Variants in LPP observed in about 807,000 individuals in gnomAD.
LPP encodes lipoma-preferred partner.
A neutral mutation model predicts 60.4 loss-of-function variants in LPP; 38 were observed. The observed-to-expected ratio is 0.63, with a 90% CI of 0.49 to 0.83. The LOEUF (loss-of-function observed/expected upper bound fraction) is 0.83. Ranked by LOEUF, LPP falls within the 40% of genes least tolerant of loss-of-function variation. LPP has a pLI of 0.00. For missense variants in LPP, 902 were observed against 783.6 expected, an observed-to-expected ratio of 1.15 and a Z score of -1.80; for synonymous variants, 328 against 290.8, an observed-to-expected ratio of 1.13 and a Z score of -1.30.
At chr3:188,428,088 T>TGGGAAAA (rs1789913169) in intron 4 of LPP, among the ~76,000 whole-genome samples, 2 of 152,076 alleles carry the variant, frequency 1.3e-5, no homozygotes, top group South Asian at 4.1e-4. Flanking sequence ...GCAAAGACCA[T>TGGGAAAA]GGGAAAAGGG....
intron 2 of LPP, among the ~76,000 whole-genome samples, chr3:188,313,931 G>A (rs1207588186): frequency 1.3e-5 from 2 of 152,108 alleles, no homozygotes; most frequent in East Asian, 3.8e-4. Context: ...ATGTGTGTGT[G>A]CCTCTGTGTT....
intron 7 of LPP, among the ~76,000 whole-genome samples, chr3:188,657,250 G>T (rs867060599): frequency 4.4e-5 from 1 of 22,838 alleles, no homozygotes; most frequent in Non-Finnish European, 7.9e-5. Flanking sequence ...TTCAAGAGCT[G>T]TCAAGGTGTA....
intron 2 of LPP, among the ~76,000 whole-genome samples, chr3:188,288,832 C>CG (rs1434059308): frequency 0.024 from 726 of 30,186 alleles, 41 homozygotes; most frequent in African/African-American, 0.091. Flanking sequence ...CCCACCCCCA[C>CG]CCCCCCGCCC....
chr3:188,370,266 C>T (rs1016959248), intron 3 of LPP, among the ~76,000 whole-genome samples: 1 of 152,116 alleles, frequency 6.6e-6, no homozygotes, highest in South Asian at 2.1e-4. Flanking sequence ...TAACTGAGTA[C>T]AGTCATTAGT....
At position 188,884,796 on chromosome 3, in the gene LPP, A is replaced by T. The variant is rs1770472539; in HGVS notation, c.*10317A>T. 4.4e-6 allele frequency: 1 copy of T among 225,786 alleles called. No homozygotes were observed. Among genetic ancestry groups the T allele is most frequent in the Non-Finnish European group, 8.8e-6 (1 of 113,414 alleles). 14.0% of individuals were successfully genotyped at this position (225,786 alleles called of 1,614,324 possible). ...TGCATTTTAGTCTTTCTCTCCATTC[A>T]CATTTACTGAGAGCACACCACGTGC... On this transcript the variant is annotated 3_prime_UTR_variant, in exon 12 of 12. Coordinates refer to ENST00000617246, the MANE Select transcript of LPP (RefSeq NM_001375462.1).
intron 7 of LPP, among the ~76,000 whole-genome samples, chr3:188,664,601 ATG>A (rs537596536): frequency 6.6e-6 from 1 of 150,876 alleles, no homozygotes; most frequent in Non-Finnish European, 1.5e-5. Context: ...ATATATGTGT[ATG>A]TGTGTGTGTG....
At chr3:188,547,372 A>G (rs1826925721) in intron 6 of LPP, among the ~76,000 whole-genome samples, 1 of 152,134 alleles carries the variant, frequency 6.6e-6, no homozygotes, top group African/African-American at 2.4e-5. Flanking sequence ...TCAATTAACT[A>G]ATAGCTCATC....
chr3:188,169,631 G>A (rs1271785820), intron 1 of LPP, among the ~76,000 whole-genome samples: 1 of 152,266 alleles, frequency 6.6e-6, no homozygotes, highest in African/African-American at 2.4e-5. Context: ...TTTAATAAAC[G>A]AATGCGCATT....
intron 1 of LPP, among the ~76,000 whole-genome samples, chr3:188,219,277 G>A (rs62291381): frequency 0.012 from 1,823 of 152,208 alleles, 15 homozygotes; most frequent in Middle Eastern, 0.031. Flanking sequence ...AGAATCCAAG[G>A]GTCAAGCACA....
intron 1 of LPP, among the ~76,000 whole-genome samples, chr3:188,203,392 TAA>T (rs1491584174): frequency 1.2e-5 from 1 of 80,676 alleles, no homozygotes; most frequent in Non-Finnish European, 2.2e-5. Flanking sequence ...ATTTATATAT[TAA>T]TATATATTTT....
intron 2 of LPP, among the ~76,000 whole-genome samples, chr3:188,331,953 ATATAT>A (rs1239311530): frequency 6.6e-6 from 1 of 152,182 alleles, no homozygotes. Flanking sequence ...AGTTACTAAA[ATATAT>A]TATGTTTAGC....
intron 3 of LPP, among the ~76,000 whole-genome samples, chr3:188,374,977 G>A (rs1302202329): frequency 6.6e-6 from 1 of 152,060 alleles, no homozygotes; most frequent in African/African-American, 2.4e-5. Context: ...TGTGGTTTTT[G>A]TCTTTGGTTC....
At chr3:188,699,251 G>A (rs1863890962) in intron 7 of LPP, among the ~76,000 whole-genome samples, 1 of 152,308 alleles carries the variant, frequency 6.6e-6, no homozygotes, top group East Asian at 1.9e-4. Flanking sequence ...GACACGTGGA[G>A]ACGGAGAGAG....
At chr3:188,458,498 G>A (rs1277560126) in intron 4 of LPP, among the ~76,000 whole-genome samples, 1 of 152,056 alleles carries the variant, frequency 6.6e-6, no homozygotes, top group African/African-American at 2.4e-5. Flanking sequence ...AGTTTATTAT[G>A]GAAATGTTTA....
intron 6 of LPP, among the ~76,000 whole-genome samples, chr3:188,540,774 G>A (rs1824950146): frequency 2.6e-5 from 4 of 152,176 alleles, no homozygotes; most frequent in Admixed American, 2.6e-4. Context: ...AATTGTCTGA[G>A]TTACTGCTTT....
intron 4 of LPP, among the ~76,000 whole-genome samples, chr3:188,462,442 A>G (rs558684377): frequency 6.7e-6 from 1 of 149,304 alleles, no homozygotes; most frequent in Non-Finnish European, 1.5e-5. Flanking sequence ...GCATTAGCAT[A>G]TTTAGCCAAT....
intron 9 of LPP, among the ~76,000 whole-genome samples, chr3:188,813,841 G>A (rs904089267): frequency 6.6e-6 from 1 of 152,088 alleles, no homozygotes; most frequent in African/African-American, 2.4e-5. Context: ...ATGCCAAAGT[G>A]GGCAAATCAC....
chr3:188,258,872 T>C (rs1002139507), intron 2 of LPP, among the ~76,000 whole-genome samples: 1 of 152,188 alleles, frequency 6.6e-6, no homozygotes. Flanking sequence ...AGAACATTTA[T>C]ATTTTTTTGA....
chr3:188,424,147 G>A (rs1319536286), intron 4 of LPP, among the ~76,000 whole-genome samples: 2 of 152,130 alleles, frequency 1.3e-5, no homozygotes, highest in Non-Finnish European at 2.9e-5. Flanking sequence ...GTGTAAGGAA[G>A]GGGTCCAGTT....
Sources: allele counts gnomAD v4.1 joint callset (sites outside exome capture counted in the v4.1 genomes callset), GRCh38; gene constraint gnomAD v4.1.1; transcripts MANE v1.5; gene names NCBI Gene and HGNC (gene_info 2026-07-23, HGNC 2026-07-21).